The following VAPB variants were observed in gnomAD, a reference collection of about 807,000 sequenced individuals.
The protein encoded by VAPB is vesicle-associated membrane protein-associated protein B/C.
VAPB carries 7 observed loss-of-function variants against 25.6 expected under a neutral mutation model. The ratio of observed to expected loss-of-function variants is 0.27; its 90% CI spans 0.16 to 0.51. VAPB has a LOEUF of 0.51. Ranked by LOEUF, VAPB falls within the 20% of genes least tolerant of loss-of-function variation. VAPB has a pLI of 0.97. For synonymous variants in VAPB, 112 were observed against 109.2 expected (o/e 1.03, Z -0.16); for missense variants, 266 against 301.3 (o/e 0.88, Z 0.87).
At chr20:58,434,974 A>T (rs1989009264) in intron 3 of VAPB, among the ~76,000 whole-genome samples, 1 of 152,014 alleles carries the variant, frequency 6.6e-6, no homozygotes, top group Non-Finnish European at 1.5e-5. Context: ...GCACTGGTGG[A>T]TGGTGTCTTG....
At chr20:58,401,401 T>G (rs1988091890) in intron 1 of VAPB, among the ~76,000 whole-genome samples, 1 of 152,168 alleles carries the variant, frequency 6.6e-6, no homozygotes, top group Non-Finnish European at 1.5e-5. Context: ...TTTCCTGTCT[T>G]TTTTCTTTCT....
At chr20:58,401,291 C>T (rs1487672376) in intron 1 of VAPB, among the ~76,000 whole-genome samples, 1 of 152,142 alleles carries the variant, frequency 6.6e-6, no homozygotes, top group East Asian at 1.9e-4. Context: ...TTGTCCCTTC[C>T]ACCTTTAAAG....
intron 1 of VAPB, among the ~76,000 whole-genome samples, chr20:58,398,155 A>G (rs917621572): frequency 6.6e-6 from 1 of 152,234 alleles, no homozygotes; most frequent in Admixed American, 6.5e-5. Flanking sequence ...CAGTTGCACA[A>G]AGTCATCTAG....
chr20:58,395,968 C>G (rs910063415), intron 1 of VAPB, among the ~76,000 whole-genome samples: 1 of 152,148 alleles, frequency 6.6e-6, no homozygotes, highest in Admixed American at 6.5e-5. Context: ...ATTTTTCAAA[C>G]TGTTAAATGC....
chr20:58,416,077 A>G (rs1243114193), intron 1 of VAPB, among the ~76,000 whole-genome samples: 1 of 152,210 alleles, frequency 6.6e-6, no homozygotes, highest in Admixed American at 6.5e-5. Flanking sequence ...TTTACAAATA[A>G]AAGCCTGTGA....
At chr20:58,423,295 CA>C (rs1988705565) in intron 2 of VAPB, among the ~76,000 whole-genome samples, 1 of 151,502 alleles carries the variant, frequency 6.6e-6, no homozygotes, top group Admixed American at 6.6e-5. Context: ...CCTGTAATCC[CA>C]GCTACTCATG....
At chr20:58,430,611 T>C (rs1475459242) in intron 2 of VAPB, among the ~76,000 whole-genome samples, 1 of 151,892 alleles carries the variant, frequency 6.6e-6, no homozygotes, top group Admixed American at 6.6e-5. Flanking sequence ...GTCTCACTCT[T>C]GTCGCCCAGG....
rs779034059 is a variant in VAPB, at chr20:58,449,856, T to G, written c.*5621T>G. ...ATGAGCTGCAGGAGTGCGCCTGGCC[T>G]TCTGCAGGTGGAGCTGCTGTCAGAG... On this transcript the variant is annotated 3_prime_UTR_variant, in exon 6 of 6. Coordinates refer to ENST00000475243, the MANE Select transcript of VAPB (RefSeq NM_004738.5). 2 of 454,144 alleles carry G rather than the reference T, an allele frequency of 4.4e-6. No homozygotes were observed. The highest frequency in any genetic ancestry group is 4.4e-6 in the Non-Finnish European group (1 of 226,796). The allele number at this position is 454,144 out of a possible 1,614,324, so 28.1% of individuals were successfully genotyped here. A position where few individuals can be genotyped will look rare whatever the true frequency, so the allele number is the denominator to read the frequency against.
chr20:58,423,907 G>T (rs1229715857), intron 2 of VAPB, among the ~76,000 whole-genome samples: 2 of 152,136 alleles, frequency 1.3e-5, no homozygotes, highest in African/African-American at 4.8e-5. Flanking sequence ...TAAACAAAAA[G>T]TAGAAAAAAG....
chr20:58,419,633 T>G (rs1381033404), intron 2 of VAPB, among the ~76,000 whole-genome samples: 3 of 152,240 alleles, frequency 2.0e-5, no homozygotes, highest in Non-Finnish European at 1.5e-5. Context: ...TCATTCTGAC[T>G]GGCTCTGAAG....
At position 58,449,139 on chromosome 20, in the gene VAPB, T is replaced by G. The variant is rs775380436; in HGVS notation, c.*4904T>G. 2.2e-6 allele frequency: 1 copy of G among 454,106 alleles called. No individual in the cohort carries two copies. The highest frequency in any genetic ancestry group is 1.6e-5 in the South Asian group (1 of 64,478). The allele number at this position is 454,106 out of a possible 1,614,324, so 28.1% of individuals were successfully genotyped here. A position where few individuals can be genotyped will look rare whatever the true frequency, so the allele number is the denominator to read the frequency against. On this transcript the variant is annotated 3_prime_UTR_variant, in exon 6 of 6. Transcript: ENST00000475243. ...AGGCAAGCTTGGGAGGCTGTGGGAATGGGTCTGCCCCCAGCTTCACAGACC... is the reference window on the plus strand; with the variant it reads ...AGGCAAGCTTGGGAGGCTGTGGGAAGGGGTCTGCCCCCAGCTTCACAGACC...
rs999830389 is a variant in VAPB at position 58,448,188 on chromosome 20, T to C, written c.*3953T>C. The C allele has an allele frequency of 8.8e-6, 4 of 453,908 alleles. No individual in the cohort carries two copies. Among genetic ancestry groups the C allele is most frequent in the Non-Finnish European group, 1.8e-5 (4 of 226,780 alleles). The allele number at this position is 453,908 out of a possible 1,614,324, so 28.1% of individuals were successfully genotyped here. A position where few individuals can be genotyped will look rare whatever the true frequency, so the allele number is the denominator to read the frequency against. On this transcript the variant is annotated 3_prime_UTR_variant, in exon 6 of 6. Coordinates refer to ENST00000475243, the MANE Select transcript of VAPB (RefSeq NM_004738.5). ...TATTTAGAAAGGCCCCTGCAAAGTA[T>C]ATAGATGGATGACTCTAGTTCATGA...
At chr20:58,419,268 A>G (rs1568709742) in intron 2 of VAPB, among the ~76,000 whole-genome samples, 1 of 152,190 alleles carries the variant, frequency 6.6e-6, no homozygotes, top group African/African-American at 2.4e-5. Context: ...ACCTAAAAGA[A>G]AATGATTCAC....
In VAPB at chr20:58,447,912, C is replaced by T. The variant is rs1033328963; in HGVS notation, c.*3677C>T. 5 of 453,504 alleles carry T rather than the reference C, an allele frequency of 1.1e-5. No homozygotes were observed. Among genetic ancestry groups the T allele is most frequent in the Admixed American group, 9.4e-5 (4 of 42,508 alleles). 28.1% of individuals were successfully genotyped at this position (453,504 alleles called of 1,614,324 possible). ...GGCTTCCCAGTGTCACTTTGAACAC[C>T]TGAATAACATTTAACTCCTGAGACC... On this transcript the variant is annotated 3_prime_UTR_variant, in exon 6 of 6. Transcript: ENST00000475243.
rs189009703 is a variant in VAPB, at chr20:58,446,459, C to T, written c.*2224C>T. 472 of 453,988 alleles carry T rather than the reference C, an allele frequency of 1.0e-3. 4 individuals carry two copies. The Middle Eastern group carries it at 0.014, about 13-fold the overall frequency. The allele number at this position is 453,988 out of a possible 1,614,324, so 28.1% of individuals were successfully genotyped here. A position where few individuals can be genotyped will look rare whatever the true frequency, so the allele number is the denominator to read the frequency against. On this transcript the variant is annotated 3_prime_UTR_variant, in exon 6 of 6. Transcript: ENST00000475243. ...TCTATTTATTTTTAAAGGATATGGCCGTGTGTTTTGATAAAACTTTATTCA... is the reference window on the plus strand; with the variant it reads ...TCTATTTATTTTTAAAGGATATGGCTGTGTGTTTTGATAAAACTTTATTCA...
rs539273645 is a variant in VAPB at position 58,390,786 on chromosome 20, C to G, written c.58+1269C>G. On this transcript the variant is annotated intron_variant, in intron 1 of 5. Coordinates refer to ENST00000475243, the MANE Select transcript of VAPB (RefSeq NM_004738.5). The stretch of plus-strand genomic sequence containing the variant: ...GTGTAGGGTAACTTACCCAAAGTTA[C>G]CCAGTTGGCAAATGGTACATTTGAA... Among the ~76,000 whole-genome samples, 15 of 152,242 alleles carry G rather than the reference C, an allele frequency of 9.9e-5. No individual in the cohort carries two copies. The South Asian group carries it at 3.1e-3, about 32-fold the overall frequency.
intron 1 of VAPB, among the ~76,000 whole-genome samples, chr20:58,409,178 A>AT (rs2123041531): frequency 7.3e-6 from 1 of 137,278 alleles, no homozygotes; most frequent in African/African-American, 2.7e-5. Context: ...ATGATCAGTA[A>AT]TGAACAAGAG....
At chr20:58,418,762 T>G (rs1379163718) in intron 2 of VAPB, among the ~76,000 whole-genome samples, 1 of 152,214 alleles carries the variant, frequency 6.6e-6, no homozygotes, top group Non-Finnish European at 1.5e-5. Flanking sequence ...AATGGAGTTA[T>G]TTTCTTATTT....
intron 1 of VAPB, among the ~76,000 whole-genome samples, chr20:58,409,904 T>TACACACACACACAC (rs34649242): frequency 7.4e-4 from 110 of 148,224 alleles, no homozygotes; most frequent in South Asian, 2.6e-3. Flanking sequence ...TTTATTCATA[T>TACACACACACACAC]ACACACACAC....
Sources: gnomAD v4.1 joint callset for allele counts (sites outside exome capture counted in the v4.1 genomes callset) on GRCh38, gnomAD v4.1.1 for gene constraint, MANE v1.5 for transcripts, NCBI Gene and HGNC (gene_info 2026-07-23, HGNC 2026-07-21) for gene names.